The following FGF12 variants were observed in gnomAD, a reference collection of about 807,000 sequenced individuals.
FGF12 encodes the protein fibroblast growth factor 12B.
Under a neutral mutation model 23.6 loss-of-function variants are expected in FGF12, and 14 were observed. That is an observed-to-expected ratio of 0.59 (90% CI 0.39 to 0.93). The LOEUF is 0.93. Ranked by LOEUF, FGF12 falls within the 40% of genes least tolerant of loss-of-function variation. The pLI is 0.00. For missense variants in FGF12, 175 were observed against 217.8 expected (o/e 0.80, Z 1.24); for synonymous variants, 62 against 77.3 (o/e 0.80, Z 1.04).
intron 4 of FGF12, among the ~76,000 whole-genome samples, chr3:192,292,173 T>G (rs998978278): frequency 7.2e-5 from 11 of 152,202 alleles, no homozygotes; most frequent in Non-Finnish European, 1.2e-4. Context: ...ATAAGCGACT[T>G]TCTAAGGGCA....
intron 2 of FGF12, among the ~76,000 whole-genome samples, chr3:192,648,994 T>A (rs368238590): frequency 2.0e-5 from 3 of 152,138 alleles, no homozygotes; most frequent in African/African-American, 7.2e-5. Flanking sequence ...TAAATGTTAT[T>A]GAGTATGGAG....
At chr3:192,345,936 A>G (rs1261872333) in intron 3 of FGF12, among the ~76,000 whole-genome samples, 2 of 152,308 alleles carry the variant, frequency 1.3e-5, no homozygotes, top group East Asian at 3.9e-4. Context: ...GCACGTTGTT[A>G]TCATTAATAC....
chr3:192,402,586 G>A (rs1250761710), intron 2 of FGF12, among the ~76,000 whole-genome samples: 3 of 152,304 alleles, frequency 2.0e-5, no homozygotes, highest in East Asian at 1.9e-4. Flanking sequence ...GTGTGGAACT[G>A]GGAGCCATGT....
At chr3:192,418,705 G>T (rs1721430559) in intron 2 of FGF12, among the ~76,000 whole-genome samples, 1 of 152,082 alleles carries the variant, frequency 6.6e-6, no homozygotes, top group Non-Finnish European at 1.5e-5. Flanking sequence ...CTGTTTAAAA[G>T]TATATGGCAC....
intron 2 of FGF12, among the ~76,000 whole-genome samples, chr3:192,565,714 T>G (rs546562981): frequency 6.6e-4 from 100 of 152,322 alleles, no homozygotes; most frequent in Non-Finnish European, 1.1e-3. Context: ...TAGGTTTGTG[T>G]TAGTATGCCC....
At chr3:192,155,596 C>A (rs1289913020) in intron 5 of FGF12, among the ~76,000 whole-genome samples, 1 of 152,068 alleles carries the variant, frequency 6.6e-6, no homozygotes, top group Non-Finnish European at 1.5e-5. Context: ...TTGCTTCTGG[C>A]CTTTTGGCTA....
chr3:192,470,259 T>G (rs965001426), intron 2 of FGF12, among the ~76,000 whole-genome samples: 3 of 152,190 alleles, frequency 2.0e-5, no homozygotes, highest in Non-Finnish European at 4.4e-5. Context: ...TTTAAAAAAT[T>G]CAGCACTGAA....
intron 2 of FGF12, among the ~76,000 whole-genome samples, chr3:192,711,001 A>T (rs1414567587): frequency 6.6e-6 from 1 of 151,986 alleles, no homozygotes; most frequent in African/African-American, 2.4e-5. Flanking sequence ...CACCAACATC[A>T]CTCTACAACT....
At chr3:192,162,725 G>T (rs954030787) in intron 5 of FGF12, among the ~76,000 whole-genome samples, 2 of 152,026 alleles carry the variant, frequency 1.3e-5, no homozygotes, top group African/African-American at 4.8e-5. Flanking sequence ...CCAGTTTATT[G>T]AAATAAAAAT....
intron 4 of FGF12, among the ~76,000 whole-genome samples, chr3:192,212,466 C>A (rs1020996138): frequency 2.0e-4 from 30 of 151,950 alleles, no homozygotes; most frequent in Non-Finnish European, 1.9e-4. Flanking sequence ...GTTTAAATAA[C>A]TTGTTATTTA....
At chr3:192,429,799 A>AG (rs1721806907) in intron 2 of FGF12, among the ~76,000 whole-genome samples, 1 of 151,964 alleles carries the variant, frequency 6.6e-6, no homozygotes, top group Non-Finnish European at 1.5e-5. Context: ...TCTGGAAAAA[A>AG]AATGCAGCTG....
chr3:192,584,601 T>A (rs1001698808), intron 2 of FGF12, among the ~76,000 whole-genome samples: 1 of 152,072 alleles, frequency 6.6e-6, no homozygotes, highest in African/African-American at 2.4e-5. Context: ...GTCAGCCACA[T>A]TTTCTATATT....
In FGF12 at chr3:192,590,414, A is replaced by AT. The variant is rs551428621; in HGVS notation, c.13+136766dup. Among the ~76,000 whole-genome samples, 364 of 152,030 alleles carry AT rather than the reference A, an allele frequency of 2.4e-3. 7 individuals are homozygous for AT. Among genetic ancestry groups the AT allele is most frequent in the Non-Finnish European group, 2.6e-3 (177 of 67,944 alleles). On this transcript the variant is annotated intron_variant, in intron 2 of 5. Transcript: ENST00000445105. ...CTACATTTCGAATTCATTTATCCCTATTTTTTTGTGAACATATCAGTAGAA... is the reference window on the plus strand; with the variant it reads ...CTACATTTCGAATTCATTTATCCCTATTTTTTTTGTGAACATATCAGTAGAA...
chr3:192,623,825 C>T (rs764433022), intron 2 of FGF12, among the ~76,000 whole-genome samples: 2 of 152,188 alleles, frequency 1.3e-5, no homozygotes, highest in African/African-American at 2.4e-5. Flanking sequence ...TTTCATGGTG[C>T]ATCAGAGCTG....
At chr3:192,167,749 ATATATATATATATATATAT>A (rs1715266219) in intron 5 of FGF12, among the ~76,000 whole-genome samples, 2 of 25,468 alleles carry the variant, frequency 7.9e-5, no homozygotes, top group Non-Finnish European at 1.4e-4. Context: ...ATATATATAT[ATATATATATATATATATAT>A]AAAATTTTTT....
At chr3:192,386,683 G>T (rs924429819) in intron 2 of FGF12, among the ~76,000 whole-genome samples, 2 of 152,112 alleles carry the variant, frequency 1.3e-5, no homozygotes, top group Admixed American at 1.3e-4. Flanking sequence ...ACAAGGCAAT[G>T]CATGAATAGA....
chr3:192,680,963 A>C (rs1717505711), intron 2 of FGF12, among the ~76,000 whole-genome samples: 1 of 152,200 alleles, frequency 6.6e-6, no homozygotes, highest in Admixed American at 6.5e-5. Flanking sequence ...TTACATAAAG[A>C]CATTTAGTAA....
chr3:192,455,355 A>T (rs1385212198), intron 2 of FGF12, among the ~76,000 whole-genome samples: 1 of 152,230 alleles, frequency 6.6e-6, no homozygotes, highest in Non-Finnish European at 1.5e-5. Context: ...ACTCTTGATC[A>T]GGAAGAAACT....
chr3:192,433,880 C>T (rs1015200535), intron 2 of FGF12, among the ~76,000 whole-genome samples: 3 of 152,228 alleles, frequency 2.0e-5, no homozygotes, highest in Non-Finnish European at 4.4e-5. Context: ...ATGCCCCACA[C>T]TGAGTCAGCA....
Sources: gnomAD v4.1 joint callset for allele counts (sites outside exome capture counted in the v4.1 genomes callset) on GRCh38, gnomAD v4.1.1 for gene constraint, MANE v1.5 for transcripts, NCBI Gene and HGNC (gene_info 2026-07-23, HGNC 2026-07-21) for gene names.